The following NEK11 variants were observed in gnomAD, a reference collection of about 807,000 sequenced individuals.
NEK11 encodes the protein NIMA related kinase 11, also known as serine/threonine-protein kinase Nek11.
NEK11 carries 72 observed loss-of-function variants against 80.7 expected under a neutral mutation model. The observed-to-expected ratio is 0.89, with a 90% confidence interval of 0.74 to 1.08. The LOEUF (loss-of-function observed/expected upper bound fraction) is 1.08. NEK11 is among the 50% of genes least tolerant of loss of function. The probability of loss-of-function intolerance (pLI) is 0.00; values close to 1 mark genes in which losing one functional copy is unlikely to be tolerated. For missense variants in NEK11, 764 were observed against 763.6 expected (o/e 1.00, Z -0.01); for synonymous variants, 251 against 260.7 (o/e 0.96, Z 0.36).
At chr3:131,329,190 T>G (rs899573537) in intron 17 of NEK11, 2 of 152,202 alleles carry the variant, frequency 1.3e-5, no homozygotes, top group East Asian at 3.8e-4. Flanking sequence ...GAATATATCA[T>G]AAGAAATACT....
At chr3:131,161,169 A>G (rs1020624822) in intron 10 of NEK11, among the ~76,000 whole-genome samples, 9 of 152,110 alleles carry the variant, frequency 5.9e-5, no homozygotes, top group African/African-American at 1.9e-4. Flanking sequence ...AAAAAAGAAA[A>G]AAAAAGTCAA....
At chr3:131,152,927 TA>T (rs1173159281) in intron 9 of NEK11, among the ~76,000 whole-genome samples, 6 of 151,768 alleles carry the variant, frequency 4.0e-5, no homozygotes, top group Non-Finnish European at 7.4e-5. Context: ...CTACTAAAAG[TA>T]CAAAAAAAAT....
chr3:131,320,070 CT>C (rs532076314), intron 17 of NEK11, among the ~76,000 whole-genome samples: 2 of 151,818 alleles, frequency 1.3e-5, no homozygotes, highest in Non-Finnish European at 2.9e-5. Context: ...TGATTTAATT[CT>C]TTTTTTTCTT....
intron 14 of NEK11, among the ~76,000 whole-genome samples, chr3:131,201,335 A>C (rs928646398): frequency 1.3e-5 from 2 of 151,880 alleles, no homozygotes; most frequent in African/African-American, 4.8e-5. Context: ...GGAATATCGG[A>C]ATGTCGGTGA....
intron 11 of NEK11, 106 bp from the exon 12 acceptor site, chr3:131,165,320 A>C (rs1295452954): frequency 9.9e-6 from 7 of 705,872 alleles, no homozygotes; most frequent in Non-Finnish European, 1.7e-5. Flanking sequence ...CTGGCTTTCT[A>C]ATCCCCCAGT....
At chr3:131,269,065 T>C (rs539021498) in intron 16 of NEK11, among the ~76,000 whole-genome samples, 171 of 152,308 alleles carry the variant, frequency 1.1e-3, no homozygotes, top group African/African-American at 3.4e-3. Context: ...TTGTTTACAC[T>C]ATGAGGGGAA....
intron 14 of NEK11, among the ~76,000 whole-genome samples, chr3:131,223,950 A>G (rs1003622173): frequency 6.6e-6 from 1 of 152,202 alleles, no homozygotes; most frequent in African/African-American, 2.4e-5. Flanking sequence ...ACTTGAGTAT[A>G]TATTTGCAAT....
intron 17 of NEK11, among the ~76,000 whole-genome samples, chr3:131,339,073 A>C (rs1582386309): frequency 6.6e-6 from 1 of 152,198 alleles, no homozygotes; most frequent in Admixed American, 6.6e-5. Context: ...GGGACTTAAC[A>C]GACTCTTTGA....
chr3:131,161,961 A>T (rs2091651190), intron 10 of NEK11, among the ~76,000 whole-genome samples: 1 of 152,194 alleles, frequency 6.6e-6, no homozygotes, highest in African/African-American at 2.4e-5. Flanking sequence ...TTCTTTACAG[A>T]TGAGAAAACT....
chr3:131,259,836 G>T (rs2095881025), intron 16 of NEK11, among the ~76,000 whole-genome samples: 1 of 152,162 alleles, frequency 6.6e-6, no homozygotes, highest in African/African-American at 2.4e-5. Context: ...CCAACAGCTG[G>T]GGTAGCAAGT....
At chr3:131,256,771 G>A (rs2095823840) in intron 16 of NEK11, among the ~76,000 whole-genome samples, 1 of 152,124 alleles carries the variant, frequency 6.6e-6, no homozygotes, top group East Asian at 1.9e-4. Flanking sequence ...TGGGGCTGGA[G>A]ATTGCATTTC....
chr3:131,201,486 G>C (rs2094224371), intron 14 of NEK11, among the ~76,000 whole-genome samples: 2 of 152,082 alleles, frequency 1.3e-5, no homozygotes, highest in Non-Finnish European at 2.9e-5. Flanking sequence ...AAATGAGAGA[G>C]CAAACTCTGT....
intron 14 of NEK11, among the ~76,000 whole-genome samples, chr3:131,220,541 T>C (rs1379979695): frequency 6.6e-6 from 1 of 152,138 alleles, no homozygotes. Context: ...AATAAATCAG[T>C]TTGTTCTTAT....
chr3:131,044,802 A>G (rs2067135615), intron 3 of NEK11, among the ~76,000 whole-genome samples: 2 of 152,178 alleles, frequency 1.3e-5, no homozygotes. Context: ...TCTTCACCCC[A>G]AATCAACAGA....
intron 14 of NEK11, among the ~76,000 whole-genome samples, chr3:131,204,534 G>A (rs1387584836): frequency 6.6e-6 from 1 of 151,910 alleles, no homozygotes; most frequent in Non-Finnish European, 1.5e-5. Flanking sequence ...ATTGAATTAG[G>A]GAACACCCAG....
chr3:131,251,674 T>G (rs2095706681), intron 16 of NEK11, among the ~76,000 whole-genome samples: 4 of 152,074 alleles, frequency 2.6e-5, no homozygotes, highest in Admixed American at 2.6e-4. Context: ...ATTTCAGAGT[T>G]CATTCCATGT....
chr3:131,072,806 G>A (rs2073648511), intron 3 of NEK11, among the ~76,000 whole-genome samples: 1 of 152,148 alleles, frequency 6.6e-6, no homozygotes, highest in Non-Finnish European at 1.5e-5. Context: ...GACAGCCCCA[G>A]CAGCTTTTAT....
chr3:131,301,619 C>T (rs112058415), intron 17 of NEK11, among the ~76,000 whole-genome samples: 15,188 of 151,878 alleles, frequency 0.1, 1,214 homozygotes, highest in African/African-American at 0.22. Flanking sequence ...ATCTTTTCTT[C>T]GTCTATTGAG....
At position 131,051,277 on chromosome 3, in the gene NEK11, A is replaced by G. The variant is rs191090056; in HGVS notation, c.170+21399A>G. Among the ~76,000 whole-genome samples the G allele has an allele frequency of 7.9e-4, 121 of 152,268 alleles. 1 individual carries two copies. The highest frequency in any genetic ancestry group is 4.4e-3 in the East Asian group (23 of 5,184). Reference sequence around the variant, plus strand: ...TCCGTTGGACACTCTGGCACTGAGGAGTGCACATAACTCTGTGACACTCCA... The same window carrying G: ...TCCGTTGGACACTCTGGCACTGAGGGGTGCACATAACTCTGTGACACTCCA... On this transcript the variant is annotated intron_variant, in intron 3 of 17. Transcript: ENST00000383366.
Sources: gnomAD v4.1 joint callset for allele counts (sites outside exome capture counted in the v4.1 genomes callset) on GRCh38, gnomAD v4.1.1 for gene constraint, MANE v1.5 for transcripts, NCBI Gene and HGNC (gene_info 2026-07-23, HGNC 2026-07-21) for gene names.